Variants in GOLGA5 observed in about 807,000 individuals in gnomAD.
The protein encoded by GOLGA5 is golgin subfamily A member 5.
A neutral mutation model predicts 93.5 loss-of-function variants in GOLGA5; 50 were observed. That is an observed-to-expected ratio of 0.53 (90% CI 0.43 to 0.68). The LOEUF (loss-of-function observed/expected upper bound fraction) is 0.68, where lower values mean the gene tolerates loss of function less well. GOLGA5 is among the 30% of genes least tolerant of loss of function. The probability of loss-of-function intolerance (pLI) is 0.00; values close to 1 mark genes in which losing one functional copy is unlikely to be tolerated. For synonymous variants in GOLGA5, 312 were observed against 304.5 expected, an observed-to-expected ratio of 1.02 and a Z score of -0.26; for missense variants, 760 against 856.4, an observed-to-expected ratio of 0.89 and a Z score of 1.40.
chr14:92,808,758 T>G lies in GOLGA5; in HGVS notation c.773-542T>G, dbSNP rs187428226. ...GTTTGATTCAGTATTTTTAAAATGT[T>G]GTGGTGGCTAACTGCAATTACATAT... On this transcript the variant is annotated intron_variant, in intron 3 of 12. Transcript: ENST00000163416. Among the ~76,000 whole-genome samples the G allele has an allele frequency of 2.2e-3, 334 of 151,988 alleles. 2 individuals carry two copies. Among genetic ancestry groups the G allele is most frequent in the African/African-American group, 7.6e-3 (314 of 41,502 alleles).
intron 9 of GOLGA5, among the ~76,000 whole-genome samples, chr14:92,826,523 CTG>C (rs1885425139): frequency 1.3e-5 from 2 of 151,942 alleles, no homozygotes; most frequent in South Asian, 4.1e-4. Flanking sequence ...TAGCAAAACC[CTG>C]TCTCTATTGA....
chr14:92,800,560 A>G (rs1336199639), intron 2 of GOLGA5, among the ~76,000 whole-genome samples: 2 of 152,234 alleles, frequency 1.3e-5, no homozygotes, highest in Non-Finnish European at 2.9e-5. Flanking sequence ...TTACTTCTAT[A>G]ATCATTGTTA....
intron 9 of GOLGA5, among the ~76,000 whole-genome samples, chr14:92,825,309 G>A (rs1312275785): frequency 1.3e-5 from 2 of 152,256 alleles, no homozygotes; most frequent in South Asian, 2.1e-4. Context: ...TAAGTTTCCA[G>A]ACTTGATAGT....
At chr14:92,813,174 C>G (rs1460564608) in intron 6 of GOLGA5, among the ~76,000 whole-genome samples, 2 of 152,160 alleles carry the variant, frequency 1.3e-5, no homozygotes, top group Non-Finnish European at 2.9e-5. Context: ...ATCTCCTCCT[C>G]AAACTCTTCT....
At chr14:92,838,780 T>C (rs1336319680) in intron 12 of GOLGA5, among the ~76,000 whole-genome samples, 1 of 152,054 alleles carries the variant, frequency 6.6e-6, no homozygotes, top group East Asian at 1.9e-4. Context: ...TTAGTGATGA[T>C]GAGTAACACG....
chr14:92,839,497 C>A lies in GOLGA5; in HGVS notation c.*51C>A. ...GGTTGTCTTTTTCTAGACTTGGGAT[C>A]TGCAAGAAGGCCAATTGCCTAAAAT... On this transcript the variant is annotated 3_prime_UTR_variant, in exon 13 of 13. Coordinates refer to ENST00000163416, the MANE Select transcript of GOLGA5 (RefSeq NM_005113.4). The A allele has an allele frequency of 8.1e-7, 1 of 1,241,312 alleles. No homozygotes were observed. The highest frequency in any genetic ancestry group is 1.2e-6 in the Non-Finnish European group (1 of 850,294). 76.9% of individuals were successfully genotyped at this position (1,241,312 alleles called of 1,614,324 possible).
At chr14:92,819,950 C>A (rs548644615) in intron 8 of GOLGA5, 114 bp downstream of exon 8, 4 of 856,618 alleles carry the variant, frequency 4.7e-6, no homozygotes, top group Non-Finnish European at 7.1e-6. Context: ...AGGGTTACCC[C>A]ACAAGTTCCT....
chr14:92,822,782 GAGT>G (rs1885342237), intron 8 of GOLGA5, among the ~76,000 whole-genome samples: 1 of 151,930 alleles, frequency 6.6e-6, no homozygotes, highest in Non-Finnish European at 1.5e-5. Flanking sequence ...TCAGCCTCCC[GAGT>G]AGCTGGGATT....
At chr14:92,836,251 C>G (rs1885639391) in intron 11 of GOLGA5, among the ~76,000 whole-genome samples, 4 of 152,060 alleles carry the variant, frequency 2.6e-5, no homozygotes, top group Admixed American at 2.6e-4. Flanking sequence ...CTACTGTACC[C>G]TTTTTCTTTG....
chr14:92,806,631 G>A (rs900062412), intron 2 of GOLGA5, 105 bp from the exon 3 acceptor site: 1 of 754,724 alleles, frequency 1.3e-6, no homozygotes, highest in Admixed American at 2.2e-5. Context: ...ACTTTTTATG[G>A]TGTTTTAGCT....
At chr14:92,813,651 G>A (rs995899700) in intron 6 of GOLGA5, among the ~76,000 whole-genome samples, 13 of 152,322 alleles carry the variant, frequency 8.5e-5, no homozygotes, top group African/African-American at 2.6e-4. Context: ...GCCATGGTCA[G>A]GTTTGAGTGT....
intron 2 of GOLGA5, among the ~76,000 whole-genome samples, chr14:92,803,759 C>T (rs1245252502): frequency 6.6e-6 from 1 of 152,206 alleles, no homozygotes; most frequent in Non-Finnish European, 1.5e-5. Flanking sequence ...AATGCTTGAT[C>T]ATGCATACTG....
rs1287288717 is a variant in GOLGA5, at chr14:92,816,285, G to T, written c.1355G>T (p.Gly452Val). 3 of 1,613,486 alleles carry T rather than the reference G, an allele frequency of 1.9e-6. No homozygotes were observed. Among genetic ancestry groups the T allele is most frequent in the South Asian group, 1.1e-5 (1 of 91,014 alleles). The part of the protein sequence containing the change: ...KEKLINSLKE[G>V]SGFEGLDSST... The stretch of plus-strand genomic sequence containing the variant: ...AAATTGATTAACAGCTTGAAAGAAG[G>T]CTCTGGTTTTGAAGGCCTAGATAGC... The change falls in exon 7 of 13, where the codon GGC (glycine) becomes GTC (valine). Residue 452 changes from glycine to valine, a missense_variant. Coordinates refer to ENST00000163416, the MANE Select transcript of GOLGA5 (RefSeq NM_005113.4).
At chr14:92,795,515 G>A (rs1308422803) in intron 1 of GOLGA5, among the ~76,000 whole-genome samples, 1 of 152,128 alleles carries the variant, frequency 6.6e-6, no homozygotes, top group East Asian at 1.9e-4. Context: ...TTTAAAAAAA[G>A]GATATTGCTG....
chr14:92,838,268 T>G (rs1435317806), intron 12 of GOLGA5, among the ~76,000 whole-genome samples: 1 of 152,172 alleles, frequency 6.6e-6, no homozygotes, highest in African/African-American at 2.4e-5. Context: ...GTAGTTGGGT[T>G]GAATGAAAAT....
At chr14:92,830,915 T>C (rs1328131358) in intron 9 of GOLGA5, among the ~76,000 whole-genome samples, 1 of 152,198 alleles carries the variant, frequency 6.6e-6, no homozygotes, top group East Asian at 1.9e-4. Context: ...ATAACTTTTA[T>C]ATGCACTGAG....
chr14:92,824,543 C>T lies in GOLGA5; in HGVS notation c.1621-3C>T, dbSNP rs1456160771. 6 of 1,523,386 alleles carry T rather than the reference C, an allele frequency of 3.9e-6. No homozygotes were observed. The highest frequency in any genetic ancestry group is 1.7e-4 in the Middle Eastern group (1 of 5,864). The allele number at this position is 1,523,386 out of a possible 1,614,324, so 94.4% of individuals were successfully genotyped here. A position where few individuals can be genotyped will look rare whatever the true frequency, so the allele number is the denominator to read the frequency against. ...TCTGTTTTGTTTGTGCCTCACTTTG[C>T]AGGAGTTCCACTATATAGAAGAAGA... is the stretch of plus-strand genomic sequence containing the variant. On this transcript the variant is annotated splice_region_variant and splice_polypyrimidine_tract_variant and intron_variant, in intron 8 of 12. Coordinates refer to ENST00000163416, the MANE Select transcript of GOLGA5 (RefSeq NM_005113.4).
chr14:92,823,589 A>G (rs188487703), intron 8 of GOLGA5, among the ~76,000 whole-genome samples: 50 of 151,116 alleles, frequency 3.3e-4, no homozygotes, highest in Non-Finnish European at 5.9e-4. Flanking sequence ...TAATTTTTTT[A>G]TATTTTGTAG....
rs1885535737 is a variant in GOLGA5, at chr14:92,831,706, ATT to A, written c.1720-1415_1720-1414del. 4.6e-5 allele frequency among the ~76,000 whole-genome samples: 7 copies of A among 152,302 alleles called. No homozygotes were observed. The South Asian group carries it at 1.5e-3, about 32-fold the overall frequency. ...TCATAGTACCATCTTAAAATTGAGC[ATT>A]CTTTTAAAAATAGTAAACCTTAGTT... On this transcript the variant is annotated intron_variant, in intron 9 of 12. Transcript: ENST00000163416.
Sources: allele counts gnomAD v4.1 joint callset (sites outside exome capture counted in the v4.1 genomes callset), GRCh38; gene constraint gnomAD v4.1.1; transcripts MANE v1.5; gene names NCBI Gene and HGNC (gene_info 2026-07-23, HGNC 2026-07-21).